Variants in SRPK1 observed in about 807,000 individuals in gnomAD.
The protein encoded by SRPK1 is SRSF protein kinase 1, also known as SFRS protein kinase 1.
A neutral mutation model predicts 89.5 loss-of-function variants in SRPK1; 52 were observed. That is an observed-to-expected ratio of 0.58 (90% CI 0.46 to 0.73). SRPK1 has a LOEUF of 0.73. Ranked by LOEUF, SRPK1 falls within the 30% of genes least tolerant of loss-of-function variation. The pLI, the probability that SRPK1 is intolerant of heterozygous loss-of-function variation, is 0.00. For synonymous variants in SRPK1, 255 were observed against 270.2 expected (o/e 0.94, Z 0.55); for missense variants, 603 against 780.6 (o/e 0.77, Z 2.71).
At chr6:35,857,162 G>A (rs1012217162) in intron 13 of SRPK1, 99 bp downstream of exon 13, 21 of 838,068 alleles carry the variant, frequency 2.5e-5, no homozygotes, top group Non-Finnish European at 3.7e-5. Flanking sequence ...TCTGTGTTAC[G>A]TTCTTTTCTG....
chr6:35,897,818 TTTTA>T (rs1770655742), intron 2 of SRPK1, among the ~76,000 whole-genome samples: 1 of 152,208 alleles, frequency 6.6e-6, no homozygotes, highest in Admixed American at 6.5e-5. Context: ...ATCCTGTAGC[TTTTA>T]TTTAAAAAGG....
At chr6:35,858,494 T>C (rs953132842) in intron 12 of SRPK1, among the ~76,000 whole-genome samples, 1 of 152,070 alleles carries the variant, frequency 6.6e-6, no homozygotes, top group Non-Finnish European at 1.5e-5. Context: ...AAGTTTCATA[T>C]AAAGATCAAG....
Position 35,884,851 on chromosome 6 carries a change from T to C in SRPK1, c.478+1873A>G, listed in dbSNP as rs183486080. On this transcript the variant is annotated intron_variant, in intron 6 of 15. Coordinates refer to ENST00000373825, the MANE Select transcript of SRPK1 (RefSeq NM_003137.5). ...CCCCATCTCTACTAAAAATACAAAATTAGCTGGGTGTGGTGGCATCCACCT... is the reference window on the plus strand; with the variant it reads ...CCCCATCTCTACTAAAAATACAAAACTAGCTGGGTGTGGTGGCATCCACCT... 2.0e-3 allele frequency among the ~76,000 whole-genome samples: 302 copies of C among 151,806 alleles called. 2 individuals are homozygous for C. The highest frequency in any genetic ancestry group is 6.9e-3 in the African/African-American group (285 of 41,388).
chr6:35,855,666 G>A (rs1769650727), intron 13 of SRPK1, among the ~76,000 whole-genome samples: 2 of 152,132 alleles, frequency 1.3e-5, no homozygotes, highest in South Asian at 4.1e-4. Context: ...CAAGTGCTAG[G>A]TGTCTTTATC....
At chr6:35,891,691 C>T (rs1388094332) in intron 2 of SRPK1, among the ~76,000 whole-genome samples, 1 of 148,682 alleles carries the variant, frequency 6.7e-6, no homozygotes, top group Non-Finnish European at 1.5e-5. Flanking sequence ...TGTGCCATTA[C>T]ACTCCAGCCT....
intron 6 of SRPK1, among the ~76,000 whole-genome samples, chr6:35,882,956 G>T (rs965557178): frequency 1.3e-5 from 2 of 152,062 alleles, no homozygotes; most frequent in African/African-American, 4.8e-5. Context: ...TTACAGGCAC[G>T]TGCCACCACG....
In SRPK1 at chr6:35,841,206, A is replaced by G. The variant is rs553061182; in HGVS notation, c.1690+1329T>C. The stretch of plus-strand genomic sequence containing the variant: ...TCAAGTAGTAATTATAGTATCCTCT[A>G]ACATGGGGCTTATATATACAAAATA... On this transcript the variant is annotated intron_variant, in intron 14 of 15. Coordinates refer to ENST00000373825, the MANE Select transcript of SRPK1 (RefSeq NM_003137.5). 5.9e-5 allele frequency among the ~76,000 whole-genome samples: 9 copies of G among 152,338 alleles called. 1 individual carries two copies. In the South Asian group the frequency reaches 1.9e-3, roughly 32 times the overall value.
intron 2 of SRPK1, among the ~76,000 whole-genome samples, chr6:35,892,653 A>AAACAACAAC (rs34158380): frequency 7.9e-4 from 117 of 148,528 alleles, no homozygotes; most frequent in East Asian, 2.4e-3. Flanking sequence ...TTCTGTCTAA[A>AAACAACAAC]AACAACAACA....
At chr6:35,903,556 C>T (rs1581596548) in intron 2 of SRPK1, among the ~76,000 whole-genome samples, 1 of 151,786 alleles carries the variant, frequency 6.6e-6, no homozygotes, top group African/African-American at 2.4e-5. Flanking sequence ...GGACTGTTAG[C>T]CTTGTTCAAA....
intron 6 of SRPK1, among the ~76,000 whole-genome samples, chr6:35,882,173 C>CAGA (rs1319620251): frequency 5.5e-5 from 8 of 146,398 alleles, no homozygotes; most frequent in Admixed American, 3.5e-4. Flanking sequence ...GCAGCAGCAG[C>CAGA]AGAAGAAGAA....
intron 6 of SRPK1, among the ~76,000 whole-genome samples, chr6:35,886,111 G>A (rs1037315857): frequency 7.0e-6 from 1 of 143,714 alleles, no homozygotes; most frequent in African/African-American, 2.6e-5. Flanking sequence ...ACAGAGTCTG[G>A]CTCTGTCCCC....
intron 2 of SRPK1, among the ~76,000 whole-genome samples, chr6:35,913,300 G>C (rs1463469666): frequency 2.6e-5 from 4 of 152,158 alleles, no homozygotes; most frequent in African/African-American, 4.8e-5. Context: ...ATTCAATTTT[G>C]CAAGTAAATT....
intron 2 of SRPK1, among the ~76,000 whole-genome samples, chr6:35,912,180 T>TA (rs1156272436): frequency 1.4e-4 from 21 of 151,428 alleles, no homozygotes; most frequent in Admixed American, 1.1e-3. Context: ...TTAAAAAAAA[T>TA]AAAAAAATAA....
chr6:35,915,386 G>A (rs1345491507), intron 2 of SRPK1, among the ~76,000 whole-genome samples: 11 of 125,032 alleles, frequency 8.8e-5, no homozygotes, highest in Admixed American at 2.0e-4. Context: ...CAGCCTGGAC[G>A]ACAGAGCAAG....
At chr6:35,865,106 T>G (rs1274044421) in intron 12 of SRPK1, among the ~76,000 whole-genome samples, 2 of 152,032 alleles carry the variant, frequency 1.3e-5, no homozygotes, top group African/African-American at 2.4e-5. Flanking sequence ...TTACAAATAA[T>G]AAGATCTACT....
intron 9 of SRPK1, 35 bp downstream of exon 9, chr6:35,870,899 G>A: frequency 6.4e-7 from 1 of 1,559,474 alleles, no homozygotes; most frequent in Non-Finnish European, 8.8e-7. Flanking sequence ...ATAGTCCATA[G>A]ATCAAAATTA....
At chr6:35,844,919 C>CTA (rs1198524978) in intron 13 of SRPK1, among the ~76,000 whole-genome samples, 2 of 152,074 alleles carry the variant, frequency 1.3e-5, no homozygotes, top group Admixed American at 6.6e-5. Flanking sequence ...CAGTGCTATA[C>CTA]GCCTGTGGTC....
chr6:35,858,340 TAAAA>T lies in SRPK1; in HGVS notation c.1513-976_1513-973del, dbSNP rs565310448. ...TTTTTAACTGTGACACTTTGTCACC[TAAAA>T]AAAAAAAATTAAGATGCAAAACCAA... On this transcript the variant is annotated intron_variant, in intron 12 of 15. Coordinates refer to ENST00000373825, the MANE Select transcript of SRPK1 (RefSeq NM_003137.5). Among the ~76,000 whole-genome samples, 119 of 145,814 alleles carry T rather than the reference TAAAA, an allele frequency of 8.2e-4. 1 individual carries two copies. The highest frequency in any genetic ancestry group is 2.5e-3 in the African/African-American group (102 of 40,018).
chr6:35,921,053 C>A lies in SRPK1; in HGVS notation c.4G>T (p.Glu2Ter), dbSNP rs867870376. 4.5e-6 allele frequency: 7 copies of A among 1,541,366 alleles called. No individual in the cohort carries two copies. The highest frequency in any genetic ancestry group is 6.1e-6 in the Non-Finnish European group (7 of 1,146,026). Residue 2 changes from glutamate (E) to a stop codon, truncating the protein, a stop_gained, in exon 1 of 16, where the codon GAG becomes TAG. Transcript: ENST00000373825. LOFTEE classifies it high-confidence loss of function. ...CCGCTCCACCGCTCACCTTTCCGCT[C>A]CATGGTGAGACCGGTAATCGCCAGG... is the stretch of plus-strand genomic sequence containing the variant. The part of the protein sequence containing the change: M[E>*]RKVLALQARK...
Sources: gnomAD v4.1 joint callset for allele counts (sites outside exome capture counted in the v4.1 genomes callset) on GRCh38, gnomAD v4.1.1 for gene constraint, MANE v1.5 for transcripts, NCBI Gene and HGNC (gene_info 2026-07-23, HGNC 2026-07-21) for gene names.